TRMU: variants seen among roughly 807,000 people sequenced by gnomAD.
TRMU encodes the protein mitochondrial tRNA-specific 2-thiouridylase 1.
Under a neutral mutation model 46.9 loss-of-function variants are expected in TRMU, and 49 were observed. That is an observed-to-expected ratio of 1.05 (90% confidence interval 0.83 to 1.33). TRMU has a LOEUF of 1.33. Among genes scored for constraint, TRMU ranks in the 40% most tolerant of loss-of-function variants. The probability of loss-of-function intolerance (pLI) is 0.00; values close to 1 mark genes in which losing one functional copy is unlikely to be tolerated. For missense variants in TRMU, 572 were observed against 532.4 expected, an observed-to-expected ratio of 1.07 and a Z score of -0.73; for synonymous variants, 241 against 200.9, an observed-to-expected ratio of 1.20 and a Z score of -1.69.
rs201749101 is a variant in TRMU at position 46,350,422 on chromosome 22, G to A, written c.610G>A (p.Ala204Thr). ...GLTKEFVKKIAAENRLHHVLQ... is the reference protein window; with the variant it reads ...GLTKEFVKKITAENRLHHVLQ... ...AACGAAAGAGTTTGTAAAGAAAATC[G>A]CTGCTGAGAATAGACTTCATCATGT... Residue 204 changes from alanine (A) to threonine (T), a missense_variant, in exon 5 of 11, where the codon GCT becomes ACT. Physicochemically the swap from Ala to Thr is moderately conservative, Grantham distance 58. Coordinates refer to ENST00000645190, the MANE Select transcript of TRMU (RefSeq NM_018006.5). This position sits in a 1 kb window ranked among gnomAD's most constrained non-coding sequence, Gnocchi z 4.6. The A allele has an allele frequency of 3.8e-5, 61 of 1,614,008 alleles. No individual in the cohort carries two copies. The highest frequency in any genetic ancestry group is 5.0e-5 in the Non-Finnish European group (59 of 1,180,024).
intron 9 of TRMU, 97 bp downstream of exon 9, chr22:46,355,685 T>TC: frequency 6.3e-7 from 1 of 1,588,764 alleles, no homozygotes; most frequent in African/African-American, 1.3e-5. Context: ...GGTAGGAAAG[T>TC]CCCGTTGTGG....
At chr22:46,346,589 T>C (rs6008769) in intron 4 of TRMU, 45 bp downstream of exon 4, 6 of 1,592,028 alleles carry the variant, frequency 3.8e-6, no homozygotes, top group Non-Finnish European at 5.1e-6. Flanking sequence ...TGTGAACAGA[T>C]TGAAATCTTT....
At position 46,347,189 on chromosome 22, in the gene TRMU, G is replaced by A. The variant is rs568158771; in HGVS notation, c.478+645G>A. 5.3e-5 allele frequency among the ~76,000 whole-genome samples: 8 copies of A among 152,024 alleles called. No homozygotes were observed. Among genetic ancestry groups the A allele is most frequent in the East Asian group, 1.9e-4 (1 of 5,140 alleles). On this transcript the variant is annotated intron_variant, in intron 4 of 10. Transcript: ENST00000645190. The surrounding 1 kb of genome is among the most constrained non-coding windows in gnomAD (Gnocchi z 5.0). ...AAGTGGGGCTCAGAGCCGTGTTTCC[G>A]CACGGAGCGTCCGTCCATCAGTGGG...
chr22:46,346,151 C>G (rs903217086), intron 3 of TRMU, among the ~76,000 whole-genome samples: 3 of 152,136 alleles, frequency 2.0e-5, no homozygotes, highest in Non-Finnish European at 4.4e-5. Context: ...TTCCTTAAGC[C>G]AGAAATTAAC....
Position 46,351,913 on chromosome 22 carries a change from G to A in TRMU, c.652-208G>A, listed in dbSNP as rs562155439. 9.2e-5 allele frequency: 65 copies of A among 703,406 alleles called. No homozygotes were observed. In the African/African-American group the frequency reaches 9.6e-4, roughly 10 times the overall value. The allele number at this position is 703,406 out of a possible 1,614,324, so 43.6% of individuals were successfully genotyped here. ...CGCGCAGGGTCAGACCCCGCGGGCCGAGACAATGAGGCGTTCTCTAAGGCT... is the reference window on the plus strand; with the variant it reads ...CGCGCAGGGTCAGACCCCGCGGGCCAAGACAATGAGGCGTTCTCTAAGGCT... On this transcript the variant is annotated intron_variant, in intron 5 of 10. Coordinates refer to ENST00000645190, the MANE Select transcript of TRMU (RefSeq NM_018006.5). The surrounding 1 kb of genome is among the most constrained non-coding windows in gnomAD (Gnocchi z 6.4).
Position 46,349,137 on chromosome 22 carries a change from C to CA in TRMU, c.479-1138dup, listed in dbSNP as rs537257675. Among the ~76,000 whole-genome samples, 2,218 of 116,932 alleles carry CA rather than the reference C, an allele frequency of 0.019. 34 individuals carry two copies. The highest frequency in any genetic ancestry group is 0.052 in the African/African-American group (1,667 of 31,830). 76.7% of individuals were successfully genotyped at this position (116,932 alleles called of 152,430 possible). A position where few individuals can be genotyped will look rare whatever the true frequency, so the allele number is the denominator to read the frequency against. ...TGGGCGACAGAGCGAGACTCCATCT[C>CA]AAAAAAAAAAAAAAAAGTGGACTCT... On this transcript the variant is annotated intron_variant, in intron 4 of 10. Coordinates refer to ENST00000645190, the MANE Select transcript of TRMU (RefSeq NM_018006.5). The surrounding 1 kb of genome is among the most constrained non-coding windows in gnomAD (Gnocchi z 4.6).
rs1040553451 is a variant in TRMU, at chr22:46,342,696, G to T, written c.249-566G>T. On this transcript the variant is annotated intron_variant, in intron 2 of 10. Coordinates refer to ENST00000645190, the MANE Select transcript of TRMU (RefSeq NM_018006.5). This position sits in a 1 kb window ranked among gnomAD's most constrained non-coding sequence, Gnocchi z 4.7. ...CAGTGGGCCAGGTGCGGTGGCTCAC[G>T]CCTCTAATTCCAGCATTTTGGGAGG... Among the ~76,000 whole-genome samples, 32 of 152,208 alleles carry T rather than the reference G, an allele frequency of 2.1e-4. No individual in the cohort carries two copies. The highest frequency in any genetic ancestry group is 7.7e-4 in the African/African-American group (32 of 41,448).
chr22:46,336,325 C>G lies in TRMU; in HGVS notation c.82+479C>G, dbSNP rs1462332647. 1 of 181,264 alleles carries G rather than the reference C, an allele frequency of 5.5e-6. No individual in the cohort carries two copies. The highest frequency in any genetic ancestry group is 1.1e-5 in the Non-Finnish European group (1 of 92,526). 11.2% of individuals were successfully genotyped at this position (181,264 alleles called of 1,614,324 possible). On this transcript the variant is annotated intron_variant, in intron 1 of 10. Transcript: ENST00000645190. This position sits in a 1 kb window ranked among gnomAD's most constrained non-coding sequence, Gnocchi z 4.1. ...CTGCCGCGCGGCGGGTCTGCTTGTT[C>G]AGCGTCTCCTGTGTTCTCCGCTCGC...
Position 46,355,710 on chromosome 22 carries a change from T to A in TRMU, c.1018+122T>A. On this transcript the variant is annotated intron_variant, in intron 9 of 10. Transcript: ENST00000645190. ...TCCCGTTGTGGAGATCATTTGGAGA[T>A]TACCTAAAGTATTTAGAACTCCCGT... The A allele has an allele frequency of 2.7e-6, 4 of 1,505,704 alleles. No individual in the cohort carries two copies. In the South Asian group the frequency reaches 4.7e-5, roughly 18 times the overall value. 93.3% of individuals were successfully genotyped at this position (1,505,704 alleles called of 1,614,324 possible). A position where few individuals can be genotyped will look rare whatever the true frequency, so the allele number is the denominator to read the frequency against.
At chr22:46,356,568 G>C in intron 10 of TRMU, 1 of 529,336 alleles carries the variant, frequency 1.9e-6, no homozygotes, top group Non-Finnish European at 3.4e-6. Flanking sequence ...GGGGTGCAGA[G>C]ACCTGCCAGT....
rs967328843 is a variant in TRMU at position 46,352,421 on chromosome 22, C to T, written c.772+91C>T. The T allele has an allele frequency of 7.4e-6, 11 of 1,484,724 alleles. No homozygotes were observed. In the East Asian group the frequency reaches 1.6e-4, roughly 21 times the overall value. The allele number at this position is 1,484,724 out of a possible 1,614,324, so 92.0% of individuals were successfully genotyped here. A position where few individuals can be genotyped will look rare whatever the true frequency, so the allele number is the denominator to read the frequency against. On this transcript the variant is annotated intron_variant, in intron 7 of 10. Transcript: ENST00000645190. ...GACTAGACCAGAGTTCCTGTCGTCC[C>T]TTCCACTTGGCTGGAGAATTGTAGA...
At position 46,353,216 on chromosome 22, in the gene TRMU, A is replaced by T. The variant is rs549847623; in HGVS notation, c.773-551A>T. On this transcript the variant is annotated intron_variant, in intron 7 of 10. Transcript: ENST00000645190. Reference sequence around the variant, plus strand: ...TGGATGACTCATGGCTTCCACCTGCAGTTCACTTCACTGAAGAAGGCTGCC... The same window carrying T: ...TGGATGACTCATGGCTTCCACCTGCTGTTCACTTCACTGAAGAAGGCTGCC... 12 of 175,360 alleles carry T rather than the reference A, an allele frequency of 6.8e-5. No homozygotes were observed. The South Asian group carries it at 1.6e-3, about 23-fold the overall frequency. 10.9% of individuals were successfully genotyped at this position (175,360 alleles called of 1,614,324 possible). A position where few individuals can be genotyped will look rare whatever the true frequency, so the allele number is the denominator to read the frequency against.
intron 3 of TRMU, 124 bp downstream of exon 3, chr22:46,343,492 T>A: frequency 1.3e-6 from 1 of 743,046 alleles, no homozygotes; most frequent in Non-Finnish European, 2.3e-6. Context: ...CTCAAGAGAT[T>A]CTCCCACCCC....
chr22:46,356,794 C>T (rs770940307), intron 10 of TRMU, 48 bp from the exon 11 acceptor site: 15 of 1,608,270 alleles, frequency 9.3e-6, no homozygotes, highest in South Asian at 1.1e-5. Flanking sequence ...TGCCTGCCCT[C>T]GGCTGGCTCC....
rs2078051616 is a variant in TRMU at position 46,338,987 on chromosome 22, C to T, written c.248+1043C>T. Among the ~76,000 whole-genome samples the T allele has an allele frequency of 2.6e-5, 4 of 151,960 alleles. No individual in the cohort carries two copies. The highest frequency in any genetic ancestry group is 1.3e-4 in the Admixed American group (2 of 15,262). On this transcript the variant is annotated intron_variant, in intron 2 of 10. Coordinates refer to ENST00000645190, the MANE Select transcript of TRMU (RefSeq NM_018006.5). This position sits in a 1 kb window ranked among gnomAD's most constrained non-coding sequence, Gnocchi z 4.5. The stretch of plus-strand genomic sequence containing the variant: ...GAAAAAAATTCTCTTTTTTTCCTGC[C>T]AACAAAGACCCAGAAGAGATACTTG...
Position 46,347,028 on chromosome 22 carries a change from T to C in TRMU, c.478+484T>C, listed in dbSNP as rs2078277482. Among the ~76,000 whole-genome samples, 1 of 152,276 alleles carries C rather than the reference T, an allele frequency of 6.6e-6. No individual in the cohort carries two copies. ...GTAGCCGTATTTACACGTTAGTTTATGCGTGTTAGGGAGCCAAGTTTCACC... is the reference window on the plus strand; with the variant it reads ...GTAGCCGTATTTACACGTTAGTTTACGCGTGTTAGGGAGCCAAGTTTCACC... On this transcript the variant is annotated intron_variant, in intron 4 of 10. Coordinates refer to ENST00000645190, the MANE Select transcript of TRMU (RefSeq NM_018006.5). This position sits in a 1 kb window ranked among gnomAD's most constrained non-coding sequence, Gnocchi z 5.0.
chr22:46,336,285 C>A lies in TRMU; in HGVS notation c.82+439C>A. 3.0e-6 allele frequency: 1 copy of A among 330,876 alleles called. No individual in the cohort carries two copies. Among genetic ancestry groups the A allele is most frequent in the Non-Finnish European group, 4.4e-6 (1 of 224,844 alleles). 20.5% of individuals were successfully genotyped at this position (330,876 alleles called of 1,614,324 possible). On this transcript the variant is annotated intron_variant, in intron 1 of 10. Coordinates refer to ENST00000645190, the MANE Select transcript of TRMU (RefSeq NM_018006.5). This position sits in a 1 kb window ranked among gnomAD's most constrained non-coding sequence, Gnocchi z 4.1. ...GTGGGAGGTCCTTGTCCTCCCCACT[C>A]AGCAGACTGGACAACTGCCGCGCGG...
intron 10 of TRMU, chr22:46,356,531 C>G (rs1462651065): frequency 4.3e-6 from 2 of 465,128 alleles, no homozygotes; most frequent in African/African-American, 3.9e-5. Flanking sequence ...CACCATGCTC[C>G]TTCCTGTCAC....
At chr22:46,356,506 G>A in intron 10 of TRMU, 1 of 437,510 alleles carries the variant, frequency 2.3e-6, no homozygotes, top group Non-Finnish European at 4.2e-6. Context: ...GGAAGCGGAA[G>A]CATCCTCTGG....
Sources: gnomAD v4.1 joint callset for allele counts (sites outside exome capture counted in the v4.1 genomes callset) on GRCh38, gnomAD v4.1.1 for gene constraint, Gnocchi (gnomAD v3.1) non-coding constraint, MANE v1.5 for transcripts, NCBI Gene and HGNC (gene_info 2026-07-23, HGNC 2026-07-21) for gene names.